ROR2: variants seen among roughly 807,000 people sequenced by gnomAD.
ROR2 encodes the protein ROR family WNT receptor 2, also known as tyrosine-protein kinase transmembrane receptor ROR2.
A neutral mutation model predicts 74.9 loss-of-function variants in ROR2; 33 were observed. The observed-to-expected ratio is 0.44, with a 90% CI of 0.33 to 0.59. The LOEUF (loss-of-function observed/expected upper bound fraction) is 0.59. Ranked by LOEUF, ROR2 falls within the 20% of genes least tolerant of loss-of-function variation. ROR2 has a pLI of 0.02. For synonymous variants in ROR2, 586 were observed against 558.7 expected (o/e 1.05, Z -0.69); for missense variants, 1,216 against 1,313.8 (o/e 0.93, Z 1.15).
chr9:91,932,123 G>A (rs918552570), intron 1 of ROR2, among the ~76,000 whole-genome samples: 1 of 152,084 alleles, frequency 6.6e-6, no homozygotes, highest in Admixed American at 6.5e-5. Context: ...AGAATTTCAG[G>A]ACAATTCATT....
At chr9:91,916,548 A>G (rs559802366) in intron 1 of ROR2, among the ~76,000 whole-genome samples, 1 of 152,206 alleles carries the variant, frequency 6.6e-6, no homozygotes, top group South Asian at 2.1e-4. Flanking sequence ...TCCTCCTCAA[A>G]TTAAGATAAT....
At chr9:91,817,968 C>T (rs541254649) in intron 1 of ROR2, among the ~76,000 whole-genome samples, 126 of 152,260 alleles carry the variant, frequency 8.3e-4, no homozygotes, top group African/African-American at 2.7e-3. Context: ...AGCCTCAACA[C>T]GCTCTGGTCC....
chr9:91,741,893 GA>G (rs1294062710), intron 4 of ROR2, among the ~76,000 whole-genome samples: 2 of 152,170 alleles, frequency 1.3e-5, no homozygotes, highest in Non-Finnish European at 2.9e-5. Context: ...TACAAACCAT[GA>G]TGTCCACTAT....
rs537865127 is a variant in ROR2 at position 91,782,937 on chromosome 9, C to T, written c.98-7119G>A. 8.5e-5 allele frequency among the ~76,000 whole-genome samples: 13 copies of T among 152,306 alleles called. No homozygotes were observed. In the South Asian group the frequency reaches 2.5e-3, roughly 29 times the overall value. Reference sequence around the variant, plus strand: ...TTTCCTAAGGCAGCCACAACAAAGCCGCACAGATGGGGCAGCCTAAACAAT... The same window carrying T: ...TTTCCTAAGGCAGCCACAACAAAGCTGCACAGATGGGGCAGCCTAAACAAT... On this transcript the variant is annotated intron_variant, in intron 1 of 8. Transcript: ENST00000375708.
intron 1 of ROR2, among the ~76,000 whole-genome samples, chr9:91,875,514 T>G (rs986665563): frequency 6.6e-6 from 1 of 152,242 alleles, no homozygotes; most frequent in Non-Finnish European, 1.5e-5. Flanking sequence ...TGACCATGCT[T>G]TCTTTATTTT....
intron 1 of ROR2, among the ~76,000 whole-genome samples, chr9:91,838,784 C>G (rs1301343769): frequency 6.6e-6 from 1 of 152,168 alleles, no homozygotes; most frequent in Non-Finnish European, 1.5e-5. Context: ...TTAACCATGA[C>G]AGATGTTATG....
chr9:91,730,849 C>T, intron 7 of ROR2, 61 bp downstream of exon 7: 1 of 1,609,656 alleles, frequency 6.2e-7, no homozygotes, highest in Admixed American at 1.7e-5. Flanking sequence ...GGACAGAACG[C>T]CCTCATCACA....
At chr9:91,756,198 C>A (rs1194406851) in intron 3 of ROR2, 97 bp from the exon 4 acceptor site, 3 of 1,227,746 alleles carry the variant, frequency 2.4e-6, no homozygotes, top group Non-Finnish European at 2.4e-6. Flanking sequence ...CTGAAGCCAG[C>A]GGGCTCACTG....
chr9:91,770,621 A>G (rs1355879559), intron 2 of ROR2, among the ~76,000 whole-genome samples: 2 of 152,234 alleles, frequency 1.3e-5, no homozygotes, highest in South Asian at 4.1e-4. Flanking sequence ...GTAGATTCAG[A>G]AACTGGAGCC....
chr9:91,883,068 A>G (rs766736302), intron 1 of ROR2, among the ~76,000 whole-genome samples: 6 of 152,214 alleles, frequency 3.9e-5, no homozygotes, highest in Non-Finnish European at 7.3e-5. Flanking sequence ...CTCCAAGGAA[A>G]TGCTCACTGG....
rs1706901218 is a variant in ROR2 at position 91,733,598 on chromosome 9, G to A, written c.623-162C>T. On this transcript the variant is annotated intron_variant, in intron 5 of 8. Transcript: ENST00000375708. This position sits in a 1 kb window ranked among gnomAD's most constrained non-coding sequence, Gnocchi z 5.7. ...ACCCCGAGCCCCGCACACCACCCTG[G>A]AGAGGCTCCCCACCAGCAGGCCAGC... 6.7e-6 allele frequency among the ~76,000 whole-genome samples: 1 copy of A among 149,316 alleles called. No homozygotes were observed. Among genetic ancestry groups the A allele is most frequent in the Non-Finnish European group, 1.5e-5 (1 of 67,606 alleles).
intron 2 of ROR2, among the ~76,000 whole-genome samples, chr9:91,764,756 A>G (rs746574154): frequency 4.6e-5 from 7 of 152,280 alleles, no homozygotes; most frequent in African/African-American, 7.2e-5. Flanking sequence ...ATCCTGAATA[A>G]CATTCATTCT....
chr9:91,829,069 T>C (rs571679870), intron 1 of ROR2, among the ~76,000 whole-genome samples: 1 of 152,342 alleles, frequency 6.6e-6, no homozygotes, highest in South Asian at 2.1e-4. Context: ...GAGAATTCCA[T>C]TTTCAAATGA....
chr9:91,844,448 C>T (rs1445693521), intron 1 of ROR2, among the ~76,000 whole-genome samples: 2 of 152,206 alleles, frequency 1.3e-5, no homozygotes, highest in Non-Finnish European at 2.9e-5. Flanking sequence ...CTTGCTGTCA[C>T]GCAGGCTGTG....
chr9:91,949,690 G>C (rs756492614), intron 1 of ROR2, among the ~76,000 whole-genome samples, 177 bp downstream of exon 1: 10 of 152,216 alleles, frequency 6.6e-5, no homozygotes, highest in Non-Finnish European at 1.3e-4. Flanking sequence ...CAGCCCGAGG[G>C]GGTCCGGGGT....
Position 91,881,553 on chromosome 9 carries a change from GTT to G in ROR2, c.97+68312_97+68313del, listed in dbSNP as rs1830111960. ...CAATGCTGTTAAGTGAAGACTTACT[GTT>G]AGTACTCCTTTTTTGATGGTGAGTT... On this transcript the variant is annotated intron_variant, in intron 1 of 8. Transcript: ENST00000375708. Among the ~76,000 whole-genome samples the G allele has an allele frequency of 2.6e-5, 4 of 152,324 alleles. No homozygotes were observed. In the South Asian group the frequency reaches 8.3e-4, roughly 32 times the overall value.
At chr9:91,935,530 T>G (rs1276474201) in intron 1 of ROR2, among the ~76,000 whole-genome samples, 1 of 152,192 alleles carries the variant, frequency 6.6e-6, no homozygotes, top group Non-Finnish European at 1.5e-5. Flanking sequence ...AAATCACACT[T>G]GCTGACAGCC....
chr9:91,899,771 A>C (rs1259300804), intron 1 of ROR2, among the ~76,000 whole-genome samples: 3 of 152,158 alleles, frequency 2.0e-5, no homozygotes, highest in Non-Finnish European at 4.4e-5. Context: ...AAACGTGTGC[A>C]CACAACACAT....
At chr9:91,763,902 C>A (rs1825985966) in intron 2 of ROR2, among the ~76,000 whole-genome samples, 1 of 152,216 alleles carries the variant, frequency 6.6e-6, no homozygotes, top group South Asian at 2.1e-4. Context: ...GAGATATGCT[C>A]CGCAGAGTCG....
Sources: allele counts gnomAD v4.1 joint callset (sites outside exome capture counted in the v4.1 genomes callset), GRCh38; gene constraint gnomAD v4.1.1; non-coding constraint Gnocchi (gnomAD v3.1); transcripts MANE v1.5; gene names NCBI Gene and HGNC (gene_info 2026-07-23, HGNC 2026-07-21).